The following SCD5 variants were observed in gnomAD, a reference collection of about 807,000 sequenced individuals.
SCD5 encodes the protein acyl-CoA-desaturase 4.
SCD5 carries 20 observed loss-of-function variants against 30.4 expected under a neutral mutation model. The ratio of observed to expected loss-of-function variants is 0.66; its 90% confidence interval spans 0.46 to 0.96. The LOEUF (loss-of-function observed/expected upper bound fraction) is 0.96, where lower values mean the gene tolerates loss of function less well. SCD5 is among the 40% of genes least tolerant of loss of function. The probability of loss-of-function intolerance (pLI) is 0.00; values close to 1 mark genes in which losing one functional copy is unlikely to be tolerated. For synonymous variants in SCD5, 173 were observed against 176.4 expected (o/e 0.98, Z 0.16); for missense variants, 381 against 443.3 (o/e 0.86, Z 1.26).
chr4:82,714,252 T>C (rs1224799432), intron 1 of SCD5, among the ~76,000 whole-genome samples: 1 of 152,210 alleles, frequency 6.6e-6, no homozygotes, highest in Non-Finnish European at 1.5e-5. Flanking sequence ...CAGTGAAACT[T>C]ACTGAATATT....
At chr4:82,760,538 C>A (rs781267974) in intron 1 of SCD5, among the ~76,000 whole-genome samples, 17 of 152,094 alleles carry the variant, frequency 1.1e-4, no homozygotes, top group Non-Finnish European at 2.4e-4. Flanking sequence ...TGGTTCTACA[C>A]ACGCACCACC....
chr4:82,650,636 C>T (rs899996394), intron 3 of SCD5, among the ~76,000 whole-genome samples: 1 of 151,722 alleles, frequency 6.6e-6, no homozygotes, highest in African/African-American at 2.4e-5. Context: ...GTTGAGGCTA[C>T]AGTGAGCCAT....
chr4:82,731,432 C>T (rs1038954920), intron 1 of SCD5, among the ~76,000 whole-genome samples: 1 of 152,228 alleles, frequency 6.6e-6, no homozygotes, highest in Non-Finnish European at 1.5e-5. Context: ...GCCTTCCTGC[C>T]TCGGGGCAAT....
At chr4:82,740,930 ATTCT>A (rs1386803131) in intron 1 of SCD5, among the ~76,000 whole-genome samples, 1 of 95,370 alleles carries the variant, frequency 1.0e-5, no homozygotes, top group Non-Finnish European at 2.0e-5. Context: ...TCTTTTCCCA[ATTCT>A]TTTTTTTTTT....
intron 1 of SCD5, among the ~76,000 whole-genome samples, chr4:82,722,505 T>G (rs1720389096): frequency 6.6e-6 from 1 of 152,240 alleles, no homozygotes; most frequent in South Asian, 2.1e-4. Flanking sequence ...AGCTCACTCC[T>G]GTAATCCCAG....
intron 1 of SCD5, among the ~76,000 whole-genome samples, chr4:82,719,504 TTTTC>T (rs1203368672): frequency 1.0e-5 from 1 of 96,472 alleles, no homozygotes; most frequent in East Asian, 2.6e-4. Flanking sequence ...TAAAATATGA[TTTTC>T]TTTTTTTTTT....
Position 82,649,469 on chromosome 4 carries a change from G to A in SCD5, c.570-12646C>T, listed in dbSNP as rs552206446. ...TTGGATTGGCTAAAAATACTGTATG[G>A]GTACCTCCCAGCAGCAAACATTTTT... On this transcript the variant is annotated intron_variant, in intron 3 of 4. Coordinates refer to ENST00000319540, the MANE Select transcript of SCD5 (RefSeq NM_001037582.3). Among the ~76,000 whole-genome samples, 4 of 152,134 alleles carry A rather than the reference G, an allele frequency of 2.6e-5. No homozygotes were observed. The South Asian group carries it at 8.3e-4, about 32-fold the overall frequency.
chr4:82,642,806 G>A (rs892794898), intron 3 of SCD5, among the ~76,000 whole-genome samples: 15 of 152,170 alleles, frequency 9.9e-5, no homozygotes, highest in Admixed American at 5.9e-4. Context: ...TCTCTGGTCT[G>A]GGCATTTCTA....
intron 3 of SCD5, among the ~76,000 whole-genome samples, chr4:82,658,447 A>G (rs1440780176): frequency 2.1e-5 from 3 of 143,072 alleles, no homozygotes; most frequent in African/African-American, 7.7e-5. Context: ...GATGAAGCTG[A>G]CTTGATTGTG....
chr4:82,778,243 T>C (rs1474561946), intron 1 of SCD5, among the ~76,000 whole-genome samples: 1 of 151,848 alleles, frequency 6.6e-6, no homozygotes, highest in African/African-American at 2.4e-5. Context: ...GGGAGGGAAC[T>C]TAGAGGACAA....
intron 2 of SCD5, among the ~76,000 whole-genome samples, chr4:82,681,896 C>T (rs567358596): frequency 3.3e-5 from 5 of 152,182 alleles, no homozygotes; most frequent in African/African-American, 1.2e-4. Flanking sequence ...TCTCTCCTCA[C>T]TTTGGTGTTC....
chr4:82,745,931 A>C (rs1246491565), intron 1 of SCD5, among the ~76,000 whole-genome samples: 2 of 152,220 alleles, frequency 1.3e-5, no homozygotes, highest in Non-Finnish European at 2.9e-5. Flanking sequence ...CAAGTTATTG[A>C]ATCTCTCTAT....
rs565251233 is a variant in SCD5, at chr4:82,738,702, A to G, written c.233-33289T>C. Among the ~76,000 whole-genome samples the G allele has an allele frequency of 5.9e-5, 9 of 152,258 alleles. No individual in the cohort carries two copies. In the South Asian group the frequency reaches 1.7e-3, roughly 28 times the overall value. ...GCTACACCCAACAGCTACATATCCA[A>G]CTGGTGAGAGGGAACATTTCTCCAC... On this transcript the variant is annotated intron_variant, in intron 1 of 4. Coordinates refer to ENST00000319540, the MANE Select transcript of SCD5 (RefSeq NM_001037582.3).
At chr4:82,639,973 C>G (rs1271564124) in intron 3 of SCD5, among the ~76,000 whole-genome samples, 2 of 152,190 alleles carry the variant, frequency 1.3e-5, no homozygotes, top group Admixed American at 1.3e-4. Context: ...GGGCACTTCT[C>G]TCTCTGAATG....
At chr4:82,765,447 C>G (rs541286815) in intron 1 of SCD5, among the ~76,000 whole-genome samples, 4 of 152,228 alleles carry the variant, frequency 2.6e-5, no homozygotes, top group Admixed American at 6.5e-5. Context: ...CATAAGGATA[C>G]CCAAATACCT....
At chr4:82,720,441 T>TACAAAAAAGAAAAAAAAAAAAAAAA (rs778480466) in intron 1 of SCD5, among the ~76,000 whole-genome samples, 1 of 77,940 alleles carries the variant, frequency 1.3e-5, no homozygotes, top group Non-Finnish European at 2.4e-5. Flanking sequence ...AAGGCAAAAA[T>TACAAAAAAGAAAAAAAAAAAAAAAA]AAAAAAAAAA....
intron 1 of SCD5, among the ~76,000 whole-genome samples, chr4:82,777,514 T>C (rs534391447): frequency 6.6e-6 from 1 of 152,166 alleles, no homozygotes; most frequent in Non-Finnish European, 1.5e-5. Flanking sequence ...CTATTTCTGG[T>C]CAAAGACAGC....
intron 2 of SCD5, among the ~76,000 whole-genome samples, chr4:82,690,780 CTTTAA>C (rs1378689825): frequency 2.0e-5 from 3 of 152,082 alleles, no homozygotes; most frequent in Non-Finnish European, 4.4e-5. Context: ...ATATTTTATC[CTTTAA>C]TTTGACTGAT....
At chr4:82,756,663 C>T (rs1477078601) in intron 1 of SCD5, among the ~76,000 whole-genome samples, 1 of 126,410 alleles carries the variant, frequency 7.9e-6, no homozygotes, top group Non-Finnish European at 1.6e-5. Flanking sequence ...CCCCCACCCC[C>T]CTCCCCCCGT....
Sources: gnomAD v4.1 joint callset for allele counts (sites outside exome capture counted in the v4.1 genomes callset) on GRCh38, gnomAD v4.1.1 for gene constraint, MANE v1.5 for transcripts, NCBI Gene and HGNC (gene_info 2026-07-23, HGNC 2026-07-21) for gene names.